DNAJC22: variants seen among roughly 807,000 people sequenced by gnomAD.
DNAJC22 encodes the protein dnaJ homolog subfamily C member 22.
Under a neutral mutation model 22.2 loss-of-function variants are expected in DNAJC22, and 24 were observed. The ratio of observed to expected loss-of-function variants is 1.08; its 90% confidence interval spans 0.78 to 1.52. The LOEUF is 1.52. Among genes scored for constraint, DNAJC22 ranks in the 40% most tolerant of loss-of-function variants. The pLI, the probability that DNAJC22 is intolerant of heterozygous loss-of-function variation, is 0.00. For synonymous variants in DNAJC22, 160 were observed against 167.4 expected, an observed-to-expected ratio of 0.96 and a Z score of 0.34; for missense variants, 434 against 421.7, an observed-to-expected ratio of 1.03 and a Z score of -0.26.
Position 49,351,586 on chromosome 12 carries a change from C to G in DNAJC22, c.*84C>G, listed in dbSNP as rs1943786079. ...ATCTAGCTTTGCCCACGAATGGCAT[C>G]CCAACAGAGTTAAAGAAACTGCTTG... On this transcript the variant is annotated 3_prime_UTR_variant, in exon 4 of 4. Coordinates refer to ENST00000549441, the MANE Select transcript of DNAJC22 (RefSeq NM_001304944.2). 1.4e-6 allele frequency: 2 copies of G among 1,414,318 alleles called. No homozygotes were observed. The highest frequency in any genetic ancestry group is 3.0e-5 in the South Asian group (2 of 67,528). 87.6% of individuals were successfully genotyped at this position (1,414,318 alleles called of 1,614,324 possible).
In DNAJC22 at chr12:49,351,680, G is replaced by A. The variant is rs1183694490; in HGVS notation, c.*178G>A. 11 of 506,286 alleles carry A rather than the reference G, an allele frequency of 2.2e-5. No homozygotes were observed. The highest frequency in any genetic ancestry group is 4.2e-5 in the Admixed American group (1 of 24,052). 31.4% of individuals were successfully genotyped at this position (506,286 alleles called of 1,614,324 possible). A position where few individuals can be genotyped will look rare whatever the true frequency, so the allele number is the denominator to read the frequency against. ...TGGGAGGCCGAGGCGGGCAGATCAC[G>A]AGGTCAGGAGTTCGAGACCAGCAGC... is the stretch of plus-strand genomic sequence containing the variant. On this transcript the variant is annotated 3_prime_UTR_variant, in exon 4 of 4. Transcript: ENST00000549441.
chr12:49,348,726 T>C, intron 2 of DNAJC22, 40 bp from the exon 3 acceptor site: 1 of 1,146,348 alleles, frequency 8.7e-7, no homozygotes, highest in Non-Finnish European at 1.1e-6. Context: ...TGTTGGAGCC[T>C]GGACATCATC....
At position 49,349,576 on chromosome 12, in the gene DNAJC22, T is replaced by A. The variant is rs762424508; in HGVS notation, c.704T>A (p.Val235Asp). The change falls in exon 3 of 4, where the codon GTC (valine) becomes GAC (aspartate). Residue 235 changes from valine to aspartate, a missense_variant. Val to Asp is a radical substitution (Grantham distance 152). Coordinates refer to ENST00000549441, the MANE Select transcript of DNAJC22 (RefSeq NM_001304944.2). ...FPLLGRLMEFVLLLPYRIWRL... is the reference protein window; with the variant it reads ...FPLLGRLMEFDLLLPYRIWRL... ...CTTCTTGGCCGCCTCATGGAGTTTG[T>A]CCTCCTTCTGCCTTACCGGATCTGG... 4 of 1,612,104 alleles carry A rather than the reference T, an allele frequency of 2.5e-6. No homozygotes were observed. The highest frequency in any genetic ancestry group is 2.7e-5 in the African/African-American group (2 of 75,054).
chr12:49,349,645 A>G lies in DNAJC22; in HGVS notation c.773A>G (p.Gln258Arg). ...GETGFNSSCFQEWAKLYEFVH... is the reference protein window; with the variant it reads ...GETGFNSSCFREWAKLYEFVH... ...ACTGGCTTCAACAGCAGCTGCTTTC[A>G]GGAGTGGGCGAAGCTCTATGAGTTT... Residue 258 changes from glutamine (Q) to arginine (R), a missense_variant, in exon 3 of 4, where the codon CAG becomes CGG. By Grantham distance (43) the Gln-to-Arg change is conservative (BLOSUM62 1). Transcript: ENST00000549441. The G allele has an allele frequency of 6.2e-7, 1 of 1,614,204 alleles. No individual in the cohort carries two copies. Among genetic ancestry groups the G allele is most frequent in the African/African-American group, 1.3e-5 (1 of 75,048 alleles).
rs770665297 is a variant in DNAJC22 at position 49,349,030 on chromosome 12, C to T, written c.158C>T (p.Pro53Leu). Residue 53 changes from proline to leucine, a missense_variant, in exon 3 of 4, where the codon CCA becomes CTA. Physicochemically the swap from Pro to Leu is moderately conservative, Grantham distance 98. Transcript: ENST00000549441. ...LGWLWEFWKL[P>L]SFVAQANRAQ... is the part of the protein sequence containing the mutation. ...TGGCTCTGGGAGTTCTGGAAGCTCCCAAGCTTTGTAGCTCAGGCCAACAGA... is the reference window on the plus strand; with the variant it reads ...TGGCTCTGGGAGTTCTGGAAGCTCCTAAGCTTTGTAGCTCAGGCCAACAGA... The T allele has an allele frequency of 1.2e-6, 2 of 1,601,180 alleles. No individual in the cohort carries two copies. Among genetic ancestry groups the T allele is most frequent in the South Asian group, 2.2e-5 (2 of 89,166 alleles).
Position 49,348,791 on chromosome 12 carries a change from G to T in DNAJC22, c.-82G>T. On this transcript the variant is annotated 5_prime_UTR_variant, in exon 3 of 4. The change abolishes an upstream ATG in the 5' untranslated region. Coordinates refer to ENST00000549441, the MANE Select transcript of DNAJC22 (RefSeq NM_001304944.2). ...GGTCTAAGGATAACTCTGGGGCCAT[G>T]ACAGCCATGAGTCTCACAGAGGACC... The T allele has an allele frequency of 1.4e-6, 2 of 1,427,980 alleles. No individual in the cohort carries two copies. Among genetic ancestry groups the T allele is most frequent in the Non-Finnish European group, 1.8e-6 (2 of 1,089,564 alleles). The allele number at this position is 1,427,980 out of a possible 1,614,324, so 88.5% of individuals were successfully genotyped here.
chr12:49,350,419 G>A (rs773047168), intron 3 of DNAJC22, among the ~76,000 whole-genome samples: 11 of 150,714 alleles, frequency 7.3e-5, no homozygotes, highest in Admixed American at 1.3e-4. Context: ...GAACCATCCC[G>A]TATGTGTTCT....
chr12:49,348,378 TAGGAAGGC>T (rs1384664832), intron 2 of DNAJC22, among the ~76,000 whole-genome samples: 1 of 152,064 alleles, frequency 6.6e-6, no homozygotes, highest in Non-Finnish European at 1.5e-5. Context: ...CCTGGAGAGT[TAGGAAGGC>T]AGGAGAGTGG....
In DNAJC22 at chr12:49,349,475, C is replaced by G. The variant is rs752295179; in HGVS notation, c.603C>G (p.Leu201=). ...AFTGPLAYSA[L]CNTAATLSYV... ...CAGGCCCACTGGCATACAGTGCCCT[C>G]TGCAACACAGCTGCCACCCTCAGCT... is the stretch of plus-strand genomic sequence containing the variant. The change falls in exon 3 of 4, where the codon CTC becomes CTG. Residue 201 remains leucine, a synonymous_variant. Coordinates refer to ENST00000549441, the MANE Select transcript of DNAJC22 (RefSeq NM_001304944.2). 6.2e-7 allele frequency: 1 copy of G among 1,614,264 alleles called. No homozygotes were observed. Among genetic ancestry groups the G allele is most frequent in the East Asian group, 2.2e-5 (1 of 44,886 alleles).
chr12:49,349,861 A>T, intron 3 of DNAJC22, 149 bp downstream of exon 3: 1 of 1,475,536 alleles, frequency 6.8e-7, no homozygotes, highest in Non-Finnish European at 8.9e-7. Context: ...AGATGCTGTG[A>T]GTAGGAAAAA....
intron 2 of DNAJC22, 91 bp from the exon 3 acceptor site, chr12:49,348,675 G>A: frequency 1.6e-6 from 1 of 610,190 alleles, no homozygotes; most frequent in Non-Finnish European, 2.4e-6. Context: ...GACTCAGGCA[G>A]ATCTGTACTC....
intron 3 of DNAJC22, among the ~76,000 whole-genome samples, chr12:49,350,180 G>A (rs1172154874): frequency 2.0e-5 from 3 of 151,896 alleles, no homozygotes; most frequent in East Asian, 3.9e-4. Flanking sequence ...GGGTTGAAGC[G>A]ATTCTCCTGC....
rs375645310 is a variant in DNAJC22 at position 49,349,646 on chromosome 12, G to T, written c.774G>T (p.Gln258His). The T allele has an allele frequency of 1.9e-6, 3 of 1,614,118 alleles. No homozygotes were observed. The highest frequency in any genetic ancestry group is 2.5e-6 in the Non-Finnish European group (3 of 1,180,046). The change falls in exon 3 of 4, where the codon CAG becomes CAT. Residue 258 changes from glutamine (Q) to histidine (H), a missense_variant. By Grantham distance (24) the Gln-to-His change is conservative. Transcript: ENST00000549441. Reference protein sequence around the residue: ...GETGFNSSCFQEWAKLYEFVH... With the variant: ...GETGFNSSCFHEWAKLYEFVH... ...CTGGCTTCAACAGCAGCTGCTTTCA[G>T]GAGTGGGCGAAGCTCTATGAGTTTG...
Position 49,349,237 on chromosome 12 carries a change from C to T in DNAJC22, c.365C>T (p.Ala122Val), listed in dbSNP as rs765483538. Residue 122 changes from alanine to valine, a missense_variant, in exon 3 of 4, where the codon GCT (alanine) becomes GTT (valine). Coordinates refer to ENST00000549441, the MANE Select transcript of DNAJC22 (RefSeq NM_001304944.2). ...GTTGGCTTAGGGGTCTTGCTGGTGG[C>T]TGCTGTTGGCAACCAGACCTCAGAC... The part of the protein sequence containing the change: ...LAVGLGVLLV[A>V]AVGNQTSDFK... 7 of 1,614,208 alleles carry T rather than the reference C, an allele frequency of 4.3e-6. No individual in the cohort carries two copies. The Admixed American group carries it at 5.0e-5, about 12-fold the overall frequency.
Position 49,348,812 on chromosome 12 carries a change from G to A in DNAJC22, c.-61G>A. ...CCATGACAGCCATGAGTCTCACAGA[G>A]GACCCCGAGACTTCTGTGCTGCGAG... On this transcript the variant is annotated 5_prime_UTR_variant, in exon 3 of 4. Transcript: ENST00000549441. The A allele has an allele frequency of 6.9e-7, 1 of 1,446,650 alleles. No homozygotes were observed. The highest frequency in any genetic ancestry group is 9.1e-7 in the Non-Finnish European group (1 of 1,099,332). 89.6% of individuals were successfully genotyped at this position (1,446,650 alleles called of 1,614,324 possible).
At position 49,349,423 on chromosome 12, in the gene DNAJC22, G is replaced by T. The variant is rs201327431; in HGVS notation, c.551G>T (p.Arg184Leu). ...GAGCCGCTCAGTGTGCGGCTCTATC[G>T]TCTGGGCTTGGCTTACCTTGCTTTC... Reference protein sequence around the residue: ...ASEPLSVRLYRLGLAYLAFTG... With the variant: ...ASEPLSVRLYLLGLAYLAFTG... The change falls in exon 3 of 4, where the codon CGT (arginine) becomes CTT (leucine). Residue 184 changes from arginine (R) to leucine (L), a missense_variant. By Grantham distance (102) the Arg-to-Leu change is moderately radical (BLOSUM62 -2). Transcript: ENST00000549441. 3 of 1,613,182 alleles carry T rather than the reference G, an allele frequency of 1.9e-6. No homozygotes were observed. The highest frequency in any genetic ancestry group is 2.5e-6 in the Non-Finnish European group (3 of 1,179,728).
At position 49,351,591 on chromosome 12, in the gene DNAJC22, C is replaced by A; in HGVS notation, c.*89C>A. On this transcript the variant is annotated 3_prime_UTR_variant, in exon 4 of 4. Transcript: ENST00000549441. ...GCTTTGCCCACGAATGGCATCCCAA[C>A]AGAGTTAAAGAAACTGCTTGCAGGG... The A allele has an allele frequency of 1.4e-6, 2 of 1,400,434 alleles. No individual in the cohort carries two copies. Among genetic ancestry groups the A allele is most frequent in the Non-Finnish European group, 1.9e-6 (2 of 1,058,924 alleles). The allele number at this position is 1,400,434 out of a possible 1,614,324, so 86.8% of individuals were successfully genotyped here. A position where few individuals can be genotyped will look rare whatever the true frequency, so the allele number is the denominator to read the frequency against.
chr12:49,349,378 A>C lies in DNAJC22; in HGVS notation c.506A>C (p.Tyr169Ser). ...ATTACAGCTCAGAGGCATCGCCGCT[A>C]CAAAGCTTTGGTGGCATCAGAGCCG... is the stretch of plus-strand genomic sequence containing the variant. ...ASITAQRHRRYKALVASEPLS... is the reference protein window; with the variant it reads ...ASITAQRHRRSKALVASEPLS... The change falls in exon 3 of 4, where the codon TAC (tyrosine) becomes TCC (serine). Residue 169 changes from tyrosine to serine, a missense_variant. Physicochemically the swap from Tyr to Ser is moderately radical, Grantham distance 144 (BLOSUM62 -2). Coordinates refer to ENST00000549441, the MANE Select transcript of DNAJC22 (RefSeq NM_001304944.2). 4 of 1,605,920 alleles carry C rather than the reference A, an allele frequency of 2.5e-6. No homozygotes were observed. The highest frequency in any genetic ancestry group is 3.4e-6 in the Non-Finnish European group (4 of 1,176,084).
rs1943801720 is a variant in DNAJC22, at chr12:49,353,134, T to C, written c.*1632T>C. The C allele has an allele frequency of 6.6e-6, 1 of 152,188 alleles. No homozygotes were observed. The highest frequency in any genetic ancestry group is 2.1e-4 in the South Asian group (1 of 4,836). The allele number at this position is 152,188 out of a possible 1,614,324, so 9.4% of individuals were successfully genotyped here. A position where few individuals can be genotyped will look rare whatever the true frequency, so the allele number is the denominator to read the frequency against. On this transcript the variant is annotated 3_prime_UTR_variant, in exon 4 of 4. Coordinates refer to ENST00000549441, the MANE Select transcript of DNAJC22 (RefSeq NM_001304944.2). ...TGGGAAACCCTAGGGAACCAGCGGCTAGAGCATCTCAAGGGGGCCTTATTC... is the reference window on the plus strand; with the variant it reads ...TGGGAAACCCTAGGGAACCAGCGGCCAGAGCATCTCAAGGGGGCCTTATTC...
Sources: gnomAD v4.1 joint callset for allele counts (sites outside exome capture counted in the v4.1 genomes callset) on GRCh38, gnomAD v4.1.1 for gene constraint, MANE v1.5 for transcripts, NCBI Gene and HGNC (gene_info 2026-07-23, HGNC 2026-07-21) for gene names.